Variants in SLC24A2 observed in about 807,000 individuals in gnomAD.
SLC24A2 encodes the protein solute carrier family 24 member 2, also known as sodium/potassium/calcium exchanger 2.
A neutral mutation model predicts 62.0 loss-of-function variants in SLC24A2; 36 were observed. The observed-to-expected ratio is 0.58, with a 90% CI of 0.44 to 0.77. SLC24A2 has a LOEUF of 0.77. SLC24A2 is among the 30% of genes least tolerant of loss of function. The pLI is 0.00. For missense variants in SLC24A2, 846 were observed against 817.9 expected, an observed-to-expected ratio of 1.03 and a Z score of -0.42; for synonymous variants, 358 against 294.0, an observed-to-expected ratio of 1.22 and a Z score of -2.23.
chr9:19,871,218 TGACAATAA>T, the SLC24A2 span, among the ~76,000 whole-genome samples: 1 of 152,186 alleles, frequency 6.6e-6, no homozygotes, highest in Non-Finnish European at 1.5e-5. Context: ...CCATTATTTC[TGACAATAA>T]GTTATCCGTT....
At chr9:20,084,298 T>C in the SLC24A2 span, among the ~76,000 whole-genome samples, 8 of 152,212 alleles carry the variant, frequency 5.3e-5, no homozygotes, top group Admixed American at 1.3e-4. Flanking sequence ...CTAGAGTTAG[T>C]TGATTTGTCC....
chr9:20,069,835 C>G, the SLC24A2 span, among the ~76,000 whole-genome samples: 3 of 152,134 alleles, frequency 2.0e-5, no homozygotes, highest in African/African-American at 7.2e-5. Flanking sequence ...ATTTACTTAT[C>G]TGTCTCCTCA....
the SLC24A2 span, among the ~76,000 whole-genome samples, chr9:20,217,604 G>A: frequency 6.6e-6 from 1 of 152,108 alleles, no homozygotes; most frequent in African/African-American, 2.4e-5. Flanking sequence ...GCACACACAG[G>A]CCATGATAAA....
chr9:20,103,484 A>G, the SLC24A2 span, among the ~76,000 whole-genome samples: 571 of 152,222 alleles, frequency 3.8e-3, 2 homozygotes, highest in African/African-American at 0.013. Context: ...ATGGCCAGGT[A>G]CTCCTTTCAG....
At chr9:20,103,812 G>T in the SLC24A2 span, among the ~76,000 whole-genome samples, 1 of 151,984 alleles carries the variant, frequency 6.6e-6, no homozygotes, top group Non-Finnish European at 1.5e-5. Context: ...CCAAAGGAAC[G>T]CAGTTCCTCA....
the SLC24A2 span, among the ~76,000 whole-genome samples, chr9:19,909,237 A>G: frequency 6.6e-6 from 1 of 152,160 alleles, no homozygotes; most frequent in East Asian, 1.9e-4. Context: ...CAAGGACAAA[A>G]AACCAAACGC....
chr9:19,962,669 T>C, the SLC24A2 span, among the ~76,000 whole-genome samples: 7 of 152,302 alleles, frequency 4.6e-5, no homozygotes, highest in African/African-American at 9.6e-5. Context: ...CTGTCTGTTA[T>C]TGGTGTATAA....
chr9:20,274,109 G>C, the SLC24A2 span, among the ~76,000 whole-genome samples: 1 of 152,186 alleles, frequency 6.6e-6, no homozygotes, highest in Non-Finnish European at 1.5e-5. Context: ...ATATAAGAGG[G>C]AATAAGCCAA....
the SLC24A2 span, among the ~76,000 whole-genome samples, chr9:20,142,051 C>A: frequency 6.6e-6 from 1 of 151,944 alleles, no homozygotes; most frequent in African/African-American, 2.4e-5. Context: ...CCACTGCACT[C>A]CAGCCTGGAT....
intron 2 of SLC24A2, 85 bp from the exon 3 acceptor site, chr9:19,622,384 C>T (rs1817929164): frequency 7.5e-7 from 1 of 1,334,634 alleles, no homozygotes; most frequent in Non-Finnish European, 1.1e-6. Flanking sequence ...TAATAACAAG[C>T]ATCAGTATAG....
At chr9:19,932,199 A>T in the SLC24A2 span, among the ~76,000 whole-genome samples, 5 of 152,248 alleles carry the variant, frequency 3.3e-5, no homozygotes, top group Admixed American at 6.5e-5. Context: ...GTTGTAAGAA[A>T]AATATTTTTG....
chr9:19,989,408 T>TA, the SLC24A2 span, among the ~76,000 whole-genome samples: 1 of 152,180 alleles, frequency 6.6e-6, no homozygotes, highest in East Asian at 1.9e-4. Context: ...AAGCACTTAC[T>TA]AAAAAACATG....
At chr9:19,584,263 T>C (rs532690657) in intron 5 of SLC24A2, among the ~76,000 whole-genome samples, 1 of 68,510 alleles carries the variant, frequency 1.5e-5, no homozygotes, top group African/African-American at 6.4e-5. Context: ...AACTAACACA[T>C]AGCAAATAGT....
chr9:19,555,597 A>C (rs576928442), intron 7 of SLC24A2, among the ~76,000 whole-genome samples: 1 of 152,370 alleles, frequency 6.6e-6, no homozygotes, highest in Admixed American at 6.5e-5. Context: ...TAAATAAAAA[A>C]AGTAACATTC....
the SLC24A2 span, among the ~76,000 whole-genome samples, chr9:19,804,536 T>C: frequency 6.6e-6 from 1 of 152,166 alleles, no homozygotes; most frequent in Non-Finnish European, 1.5e-5. Context: ...TTCATTCTAA[T>C]AGCTTTTGGG....
the SLC24A2 span, among the ~76,000 whole-genome samples, chr9:20,171,115 A>G: frequency 6.6e-6 from 1 of 151,994 alleles, no homozygotes; most frequent in Non-Finnish European, 1.5e-5. Context: ...GTCCAGCAAA[A>G]CTAAGCCTTA....
chr9:20,164,958 A>G, the SLC24A2 span, among the ~76,000 whole-genome samples: 150 of 129,058 alleles, frequency 1.2e-3, 2 homozygotes, highest in South Asian at 0.019. Flanking sequence ...CACAGGAAGG[A>G]GAACATCACA....
At chr9:19,725,559 T>G (rs1420899895) in intron 2 of SLC24A2, among the ~76,000 whole-genome samples, 1 of 152,314 alleles carries the variant, frequency 6.6e-6, no homozygotes, top group East Asian at 1.9e-4. Flanking sequence ...CTTCGTTATA[T>G]ACAGCACAGC....
chr9:19,568,828 T>A (rs1835753730), intron 7 of SLC24A2, among the ~76,000 whole-genome samples: 2 of 152,226 alleles, frequency 1.3e-5, no homozygotes, highest in African/African-American at 4.8e-5. Context: ...GGGTGCATAT[T>A]AAAAAGCTTC....
Sources: allele counts gnomAD v4.1 joint callset (sites outside exome capture counted in the v4.1 genomes callset), GRCh38; gene constraint gnomAD v4.1.1; transcripts MANE v1.5; gene names NCBI Gene and HGNC (gene_info 2026-07-23, HGNC 2026-07-21).